Variants in TOP1MT observed in about 807,000 individuals in gnomAD.
TOP1MT encodes the protein DNA topoisomerase I, mitochondrial.
TOP1MT carries 80 observed loss-of-function variants against 73.9 expected under a neutral mutation model. The ratio of observed to expected loss-of-function variants is 1.08; its 90% CI spans 0.90 to 1.30. TOP1MT has a LOEUF of 1.30. TOP1MT is among the 50% of genes most tolerant of loss of function. The pLI is 0.00. For synonymous variants in TOP1MT, 338 were observed against 326.4 expected (o/e 1.04, Z -0.38); for missense variants, 815 against 808.0 (o/e 1.01, Z -0.10).
chr8:143,348,934 G>A, upstream of TOP1MT, among the ~76,000 whole-genome samples: 1 of 151,270 alleles, frequency 6.6e-6, no homozygotes, highest in East Asian at 1.9e-4. This position sits in a 1 kb window ranked among gnomAD's most constrained non-coding sequence, Gnocchi z 4.6. Context: ...ACCCACTTGA[G>A]CATCTGACCT....
chr8:143,325,718 G>A (rs558706090), intron 4 of TOP1MT, among the ~76,000 whole-genome samples, 185 bp from the exon 5 acceptor site: 11 of 152,290 alleles, frequency 7.2e-5, no homozygotes, highest in East Asian at 1.9e-4. Flanking sequence ...AGGGGGCACC[G>A]AGAGCCATGG....
intron 8 of TOP1MT, among the ~76,000 whole-genome samples, chr8:143,318,848 C>A (rs1816249462): frequency 6.6e-6 from 1 of 152,202 alleles, no homozygotes; most frequent in African/African-American, 2.4e-5. Context: ...CCACAGCTCC[C>A]GACTTCTGGC....
At chr8:143,311,366 T>G (rs989764363) in intron 12 of TOP1MT, among the ~76,000 whole-genome samples, 4 of 152,078 alleles carry the variant, frequency 2.6e-5, no homozygotes, top group Non-Finnish European at 5.9e-5. Context: ...TTTGTTCCAA[T>G]TGACATTTCC....
At chr8:143,325,274 AG>A in intron 5 of TOP1MT, 71 bp downstream of exon 5, 2 of 1,338,138 alleles carry the variant, frequency 1.5e-6, no homozygotes, top group Non-Finnish European at 2.0e-6. Context: ...CTCTCCCAGG[AG>A]GTGAAGAAAA....
At chr8:143,334,163 G>A (rs1463389220) in intron 1 of TOP1MT, 1 of 152,342 alleles carries the variant, frequency 6.6e-6, no homozygotes, top group African/African-American at 2.4e-5. Flanking sequence ...CATGCGCAGA[G>A]ACCCATCCCC....
Position 143,341,786 on chromosome 8 carries a change from AT to A in TOP1MT, c.29+1433del, listed in dbSNP as rs1387464217. On this transcript the variant is annotated intron_variant, in intron 2 of 5. Coordinates refer to the TOP1MT transcript ENST00000518007. The surrounding 1 kb of genome is among the most constrained non-coding windows in gnomAD (Gnocchi z 4.1). ...CAGAAAGGGAAGGTCACAGAGCACT[AT>A]CCCGACACCACTGCCCCATCTAGTG... 6.6e-6 allele frequency among the ~76,000 whole-genome samples: 1 copy of A among 152,072 alleles called. No homozygotes were observed. Among genetic ancestry groups the A allele is most frequent in the Non-Finnish European group, 1.5e-5 (1 of 68,002 alleles).
chr8:143,319,147 G>A (rs1244199262), intron 8 of TOP1MT, among the ~76,000 whole-genome samples: 1 of 152,078 alleles, frequency 6.6e-6, no homozygotes, highest in African/African-American at 2.4e-5. Flanking sequence ...CATTCCTTAG[G>A]AATGACTTCC....
At chr8:143,309,890 A>T in intron 13 of TOP1MT, 178 bp downstream of exon 13, 1 of 1,562,852 alleles carries the variant, frequency 6.4e-7, no homozygotes, top group East Asian at 2.3e-5. Context: ...CCGAACGTTC[A>T]GGGCAGGGAG....
upstream of TOP1MT, among the ~76,000 whole-genome samples, chr8:143,336,617 G>T (rs1380446521): frequency 2.0e-5 from 3 of 152,074 alleles, no homozygotes; most frequent in African/African-American, 4.8e-5. Flanking sequence ...AAGACACCCA[G>T]ATCAGAAAGA....
chr8:143,327,665 A>G, intron 3 of TOP1MT: 1 of 347,170 alleles, frequency 2.9e-6, no homozygotes, highest in South Asian at 2.3e-5. Context: ...TAGCTCTGCT[A>G]GTGACTGGAA....
In TOP1MT at chr8:143,313,632, T is replaced by C. The variant is rs529097397; in HGVS notation, c.1553+2095A>G. 5.1e-4 allele frequency among the ~76,000 whole-genome samples: 77 copies of C among 150,702 alleles called. 1 individual carries two copies. The highest frequency in any genetic ancestry group is 1.8e-3 in the African/African-American group (73 of 41,032). ...ACTTTGGGAGGCCGAGACAGGCAGA[T>C]TGCCTGAGCTCAGGAGTTCAAGACC... On this transcript the variant is annotated intron_variant, in intron 12 of 13. Coordinates refer to ENST00000329245, the MANE Select transcript of TOP1MT (RefSeq NM_052963.3).
At position 143,323,587 on chromosome 8, in the gene TOP1MT, C is replaced by T. The variant is rs111206427; in HGVS notation, c.960+412G>A. Among the ~76,000 whole-genome samples the T allele has an allele frequency of 6.5e-4, 45 of 69,014 alleles. 1 individual carries two copies. Among genetic ancestry groups the T allele is most frequent in the African/African-American group, 1.6e-3 (44 of 26,828 alleles). The allele number at this position is 69,014 out of a possible 152,430, so 45.3% of individuals were successfully genotyped here. Reference sequence around the variant, plus strand: ...CACATGCACGCCACACACACAGGCACGCCACACACACACGCACGCCACACA... The same window carrying T: ...CACATGCACGCCACACACACAGGCATGCCACACACACACGCACGCCACACA... On this transcript the variant is annotated intron_variant, in intron 7 of 13. Transcript: ENST00000329245.
upstream of TOP1MT, among the ~76,000 whole-genome samples, chr8:143,338,760 C>T (rs10866910): frequency 0.61 from 92,384 of 152,000 alleles, 31,701 homozygotes; most frequent in South Asian, 0.84. Flanking sequence ...CTGGGGAGGG[C>T]GTGGAAAAGT....
At position 143,329,044 on chromosome 8, in the gene TOP1MT, G is replaced by A. The variant is rs75522551; in HGVS notation, c.360+306C>T. Among the ~76,000 whole-genome samples, 10 of 152,156 alleles carry A rather than the reference G, an allele frequency of 6.6e-5. No individual in the cohort carries two copies. The East Asian group carries it at 9.7e-4, about 15-fold the overall frequency. On this transcript the variant is annotated intron_variant, in intron 3 of 13. Transcript: ENST00000329245. ...TATGCCAGACCCCTGTCCTTTCAGCGGTCCATGGAGTAAGGACCACAAATC... is the reference window on the plus strand; with the variant it reads ...TATGCCAGACCCCTGTCCTTTCAGCAGTCCATGGAGTAAGGACCACAAATC...
chr8:143,356,759 C>T (rs1385217806), upstream of TOP1MT, among the ~76,000 whole-genome samples: 2 of 120,188 alleles, frequency 1.7e-5, no homozygotes, highest in Non-Finnish European at 3.2e-5. Flanking sequence ...GAACTCCAGC[C>T]TGGGCAACAG....
At chr8:143,347,690 A>AG (rs1174628175), upstream of TOP1MT, among the ~76,000 whole-genome samples, 6 of 26,280 alleles carry the variant, frequency 2.3e-4, no homozygotes, top group African/African-American at 3.2e-4. Flanking sequence ...GCAGGCAGGC[A>AG]GCCAGCCAGC....
chr8:143,349,191 G>A (rs556452715), upstream of TOP1MT, among the ~76,000 whole-genome samples: 3 of 152,120 alleles, frequency 2.0e-5, no homozygotes, highest in African/African-American at 7.2e-5. Context: ...GAGAGAGAAC[G>A]GCTTATGAAA....
At position 143,321,284 on chromosome 8, in the gene TOP1MT, C is replaced by G. The variant is rs753593796; in HGVS notation, c.1063G>C (p.Asp355His). Reference protein sequence around the residue: ...VEHVQLHPEADGCQHVVEFDF... With the variant: ...VEHVQLHPEAHGCQHVVEFDF... ...AATTCCACCACGTGTTGGCAGCCAT[C>G]GGCCTCCGGGTGCAGCTGGACGTGC... Residue 355 changes from aspartate (D) to histidine (H), a missense_variant, in exon 8 of 14, where the codon GAT (aspartate) becomes CAT (histidine). By Grantham distance (81) the Asp-to-His change is moderately conservative. Transcript: ENST00000329245. The G allele has an allele frequency of 3.7e-6, 6 of 1,612,472 alleles. No individual in the cohort carries two copies. The South Asian group carries it at 5.5e-5, about 15-fold the overall frequency.
At chr8:143,334,937 C>T, upstream of TOP1MT, 4 of 1,237,042 alleles carry the variant, frequency 3.2e-6, no homozygotes, top group Non-Finnish European at 4.0e-6. Flanking sequence ...CAGCGGCCAG[C>T]CCCGCCCCCG....
Sources: gnomAD v4.1 joint callset for allele counts (sites outside exome capture counted in the v4.1 genomes callset) on GRCh38, gnomAD v4.1.1 for gene constraint, Gnocchi (gnomAD v3.1) non-coding constraint, MANE v1.5 for transcripts, NCBI Gene and HGNC (gene_info 2026-07-23, HGNC 2026-07-21) for gene names.